Variants in SPAST observed in about 807,000 individuals in gnomAD.
The protein encoded by SPAST is spastin.
Under a neutral mutation model 76.6 loss-of-function variants are expected in SPAST, and 30 were observed. The observed-to-expected ratio is 0.39, with a 90% CI of 0.29 to 0.53. SPAST has a LOEUF of 0.53. Ranked by LOEUF, SPAST falls within the 20% of genes least tolerant of loss-of-function variation. The pLI, the probability that SPAST is intolerant of heterozygous loss-of-function variation, is 0.68. For missense variants in SPAST, 717 were observed against 770.5 expected (o/e 0.93, Z 0.82); for synonymous variants, 305 against 281.0 (o/e 1.09, Z -0.86).
chr2:32,072,762 A>T (rs1231902205), intron 1 of SPAST, among the ~76,000 whole-genome samples: 1 of 152,230 alleles, frequency 6.6e-6, no homozygotes, highest in Non-Finnish European at 1.5e-5. Context: ...TGGAGGGTAG[A>T]AATCAGAAGT....
chr2:32,095,094 A>C (rs939595748), intron 3 of SPAST, among the ~76,000 whole-genome samples: 11 of 152,230 alleles, frequency 7.2e-5, no homozygotes, highest in Non-Finnish European at 1.5e-4. Flanking sequence ...CAATTAGGAC[A>C]CTGTTACAGT....
At chr2:32,101,832 A>C (rs1035245126) in intron 4 of SPAST, among the ~76,000 whole-genome samples, 2 of 152,104 alleles carry the variant, frequency 1.3e-5, no homozygotes, top group Non-Finnish European at 2.9e-5. Context: ...CCATTGGTCT[A>C]TATCTCTGTT....
At chr2:32,064,609 A>T (rs1676436114) in intron 1 of SPAST, among the ~76,000 whole-genome samples, 1 of 152,104 alleles carries the variant, frequency 6.6e-6, no homozygotes, top group Non-Finnish European at 1.5e-5. Context: ...CTCTGAACCA[A>T]GGTTTCCAAA....
intron 3 of SPAST, among the ~76,000 whole-genome samples, chr2:32,098,203 T>C (rs900029266): frequency 2.0e-5 from 3 of 152,118 alleles, no homozygotes; most frequent in Admixed American, 6.6e-5. Context: ...CTGTGGCTCA[T>C]GTCTGTAATC....
intron 4 of SPAST, among the ~76,000 whole-genome samples, chr2:32,109,037 C>G (rs1339105467): frequency 1.3e-5 from 2 of 151,872 alleles, no homozygotes; most frequent in African/African-American, 4.8e-5. Flanking sequence ...GCTGGCATTA[C>G]AGGCCTGAGC....
At chr2:32,092,789 C>T (rs899936085) in intron 3 of SPAST, among the ~76,000 whole-genome samples, 2 of 152,094 alleles carry the variant, frequency 1.3e-5, no homozygotes, top group African/African-American at 2.4e-5. Context: ...GGGCGGATCA[C>T]CTGAGGTCAG....
chr2:32,108,033 A>G (rs1678391698), intron 4 of SPAST, among the ~76,000 whole-genome samples: 1 of 152,162 alleles, frequency 6.6e-6, no homozygotes, highest in South Asian at 2.1e-4. Context: ...AAAGTAAAGT[A>G]TAACCCTTAC....
Position 32,143,408 on chromosome 2 carries a change from C to T in SPAST, c.1609C>T (p.Leu537Phe). ...SPLTQKELAQLARMTDGYSGS... is the reference protein window; with the variant it reads ...SPLTQKELAQFARMTDGYSGS... ...ATTGACCCAAAAAGAACTAGCACAA[C>T]TTGCTAGGTGAGTAATTTGGATTTG... The change falls in exon 14 of 17, where the codon CTT becomes TTT. Residue 537 changes from leucine (L) to phenylalanine (F), a missense_variant. Leu to Phe is a conservative substitution (Grantham distance 22). Around this residue, in one of 3 missense-constraint regions of SPAST, gnomAD observed 96 missense variants for 127.6 expected, o/e 0.75. Transcript: ENST00000315285. 1 of 1,595,784 alleles carries T rather than the reference C, an allele frequency of 6.3e-7. No individual in the cohort carries two copies. Among genetic ancestry groups the T allele is most frequent in the South Asian group, 1.1e-5 (1 of 90,252 alleles).
chr2:32,075,894 C>CT (rs1286144548), intron 1 of SPAST, among the ~76,000 whole-genome samples: 18,980 of 86,610 alleles, frequency 0.22, 3,448 homozygotes, highest in East Asian at 0.46. Context: ...ATTCAAAATG[C>CT]TCTTTTTTTT....
At chr2:32,081,553 T>C (rs1403702593) in intron 1 of SPAST, among the ~76,000 whole-genome samples, 1 of 151,768 alleles carries the variant, frequency 6.6e-6, no homozygotes, top group Admixed American at 6.6e-5. Flanking sequence ...GAGTTCACAG[T>C]CACTTCAAGT....
At position 32,064,261 on chromosome 2, in the gene SPAST, G is replaced by GT; in HGVS notation, c.415+15_415+16insT. ...GGATGAGAAAGGTAACTAGGGGGCT[G>GT]GGGGAGGGGGCGGCGGCGCCGGGAA... On this transcript the variant is annotated intron_variant, in intron 1 of 16. Coordinates refer to ENST00000315285, the MANE Select transcript of SPAST (RefSeq NM_014946.4). The GT allele has an allele frequency of 6.5e-7, 1 of 1,541,294 alleles. No homozygotes were observed. The highest frequency in any genetic ancestry group is 8.8e-7 in the Non-Finnish European group (1 of 1,141,660).
At chr2:32,072,060 T>C (rs1042816067) in intron 1 of SPAST, among the ~76,000 whole-genome samples, 1 of 152,214 alleles carries the variant, frequency 6.6e-6, no homozygotes, top group African/African-American at 2.4e-5. Context: ...ATTTATTTTT[T>C]GAGACAGAGT....
rs574747505 is a variant in SPAST, at chr2:32,145,161, A to G, written c.1687+154A>G. Among the ~76,000 whole-genome samples the G allele has an allele frequency of 7.3e-4, 111 of 152,172 alleles. 2 individuals carry two copies. The highest frequency in any genetic ancestry group is 5.6e-3 in the South Asian group (27 of 4,814). On this transcript the variant is annotated intron_variant, in intron 15 of 16. Transcript: ENST00000315285. Reference sequence around the variant, plus strand: ...GGCTGTAGTGCAGTGGCACAATCATAGTTCACTGCAGCCTCGAACCCCCCA... The same window carrying G: ...GGCTGTAGTGCAGTGGCACAATCATGGTTCACTGCAGCCTCGAACCCCCCA...
In SPAST at chr2:32,148,810, C is replaced by CA. The variant is rs372253559; in HGVS notation, c.1728+1567dup. ...TGGGCGACAGAGCAAGACTCCATCT[C>CA]AAAAAAAAAAAAAAATAGCTGGGCA... is the stretch of plus-strand genomic sequence containing the variant. On this transcript the variant is annotated intron_variant, in intron 16 of 16. Coordinates refer to ENST00000315285, the MANE Select transcript of SPAST (RefSeq NM_014946.4). Among the ~76,000 whole-genome samples, 286 of 120,646 alleles carry CA rather than the reference C, an allele frequency of 2.4e-3. 8 individuals are homozygous for CA. Among genetic ancestry groups the CA allele is most frequent in the African/African-American group, 3.6e-3 (115 of 32,056 alleles). The allele number at this position is 120,646 out of a possible 152,430, so 79.1% of individuals were successfully genotyped here.
chr2:32,110,550 A>AGT (rs1678523194), intron 4 of SPAST, among the ~76,000 whole-genome samples: 2 of 121,850 alleles, frequency 1.6e-5, no homozygotes, highest in Admixed American at 8.8e-5. Flanking sequence ...GTATATATAT[A>AGT]CTATATAGTG....
chr2:32,079,851 A>G (rs1677132121), intron 1 of SPAST, among the ~76,000 whole-genome samples: 1 of 152,128 alleles, frequency 6.6e-6, no homozygotes, highest in Non-Finnish European at 1.5e-5. Context: ...TTATTAATGG[A>G]TATTTGGATT....
intron 4 of SPAST, among the ~76,000 whole-genome samples, chr2:32,106,273 A>G (rs1678316218): frequency 6.6e-6 from 1 of 152,192 alleles, no homozygotes; most frequent in Admixed American, 6.6e-5. Flanking sequence ...GGCATGGGAT[A>G]TAATCTCCTG....
At chr2:32,110,247 T>C (rs564198606) in intron 4 of SPAST, among the ~76,000 whole-genome samples, 3 of 148,862 alleles carry the variant, frequency 2.0e-5, no homozygotes, top group Non-Finnish European at 3.0e-5. Context: ...GTCTCCCGAG[T>C]ACCTGGGATT....
intron 4 of SPAST, among the ~76,000 whole-genome samples, chr2:32,099,260 ATTT>A (rs1678030833): frequency 6.6e-6 from 1 of 152,064 alleles, no homozygotes; most frequent in Non-Finnish European, 1.5e-5. Flanking sequence ...ACACATTTTA[ATTT>A]TTTATGTATC....
Sources: gnomAD v4.1 joint callset for allele counts (sites outside exome capture counted in the v4.1 genomes callset) on GRCh38, gnomAD v4.1.1 for gene constraint, gnomAD v4.1.1 regional missense constraint, MANE v1.5 for transcripts, NCBI Gene and HGNC (gene_info 2026-07-23, HGNC 2026-07-21) for gene names.